NID1: variants seen among roughly 807,000 people sequenced by gnomAD.
NID1 encodes nidogen 1, also known as nidogen-1.
NID1 carries 76 observed loss-of-function variants against 130.6 expected under a neutral mutation model. The ratio of observed to expected loss-of-function variants is 0.58; its 90% CI spans 0.48 to 0.70. The LOEUF is 0.70. NID1 is among the 30% of genes least tolerant of loss of function. NID1 has a pLI of 0.00. For missense variants in NID1, 1,517 were observed against 1,664.8 expected, an observed-to-expected ratio of 0.91 and a Z score of 1.54; for synonymous variants, 665 against 675.1, an observed-to-expected ratio of 0.98 and a Z score of 0.23.
chr1:236,035,922 A>C (rs1659244890), intron 5 of NID1, among the ~76,000 whole-genome samples: 1 of 152,202 alleles, frequency 6.6e-6, no homozygotes, highest in African/African-American at 2.4e-5. Flanking sequence ...AAAATTTTCC[A>C]CCAAACTTTG....
At chr1:235,988,440 A>G (rs1197024445) in intron 14 of NID1, among the ~76,000 whole-genome samples, 1 of 152,244 alleles carries the variant, frequency 6.6e-6, no homozygotes, top group Non-Finnish European at 1.5e-5. Flanking sequence ...AGTAGGTAAA[A>G]TGGTACAACC....
intron 1 of NID1, among the ~76,000 whole-genome samples, chr1:236,059,116 CAGTA>C (rs1659974573): frequency 6.6e-6 from 1 of 152,136 alleles, no homozygotes; most frequent in Non-Finnish European, 1.5e-5. Flanking sequence ...GTCACACAGC[CAGTA>C]AGTGATAGAA....
chr1:235,982,201 T>C (rs1657457078), intron 15 of NID1, among the ~76,000 whole-genome samples: 1 of 152,094 alleles, frequency 6.6e-6, no homozygotes. Flanking sequence ...TAGCAGTTTG[T>C]CAAACAAGGA....
intron 12 of NID1, among the ~76,000 whole-genome samples, chr1:236,005,606 T>C (rs1285242256): frequency 6.6e-6 from 1 of 152,236 alleles, no homozygotes; most frequent in East Asian, 1.9e-4. Context: ...ACTTTAGTAT[T>C]ACCCCTTCCA....
chr1:236,003,157 G>A (rs1308797766), intron 12 of NID1, among the ~76,000 whole-genome samples: 5 of 151,638 alleles, frequency 3.3e-5, no homozygotes, highest in Non-Finnish European at 4.4e-5. Flanking sequence ...CCTAGTGAAC[G>A]ACTGGTAGTT....
chr1:236,045,972 T>C (rs898946323), intron 2 of NID1, among the ~76,000 whole-genome samples: 1 of 152,220 alleles, frequency 6.6e-6, no homozygotes, highest in Non-Finnish European at 1.5e-5. Flanking sequence ...TACCTCCAGA[T>C]GGTGGCCTAA....
intron 12 of NID1, among the ~76,000 whole-genome samples, chr1:236,004,068 A>T (rs1424896882): frequency 6.6e-6 from 1 of 151,504 alleles, no homozygotes; most frequent in Non-Finnish European, 1.5e-5. Flanking sequence ...AAAGAAAAAG[A>T]AATGAGGCCT....
rs1282579578 is a variant in NID1 at position 236,041,908 on chromosome 1, A to C, written c.1135+2T>G. On this transcript the variant is annotated splice_donor_variant, in intron 4 of 19. Coordinates refer to ENST00000264187, the MANE Select transcript of NID1 (RefSeq NM_002508.3). LOFTEE classifies it high-confidence loss of function. ...TACCAACTGCAACTTAAATGGTCTT[A>C]CCAACTCCTGTTTCCTCAACTTCAT... 6.2e-7 allele frequency: 1 copy of C among 1,602,974 alleles called. No individual in the cohort carries two copies. The highest frequency in any genetic ancestry group is 2.2e-5 in the East Asian group (1 of 44,650).
intron 4 of NID1, 144 bp from the exon 5 acceptor site, chr1:236,038,397 A>G: frequency 1.3e-6 from 1 of 750,796 alleles, no homozygotes; most frequent in South Asian, 3.1e-5. Flanking sequence ...ACAGAAGATT[A>G]CAATCCCCTA....
intron 14 of NID1, 80 bp downstream of exon 14, chr1:235,990,806 T>C: frequency 1.3e-6 from 2 of 1,518,432 alleles, no homozygotes; most frequent in Non-Finnish European, 1.8e-6. Context: ...AGCCTGGGGT[T>C]CTGGTCTGAT....
In NID1 at chr1:236,028,902, C is replaced by T. The variant is rs190003049; in HGVS notation, c.1738+648G>A. On this transcript the variant is annotated intron_variant, in intron 7 of 19. Coordinates refer to ENST00000264187, the MANE Select transcript of NID1 (RefSeq NM_002508.3). ...AATAGTACATACAGATGTGGCCGGGCGCAGTTGCTCACACCTGTAATCCCA... is the reference window on the plus strand; with the variant it reads ...AATAGTACATACAGATGTGGCCGGGTGCAGTTGCTCACACCTGTAATCCCA... 3.6e-4 allele frequency among the ~76,000 whole-genome samples: 55 copies of T among 152,178 alleles called. 1 individual carries two copies. Among genetic ancestry groups the T allele is most frequent in the South Asian group, 3.3e-3 (16 of 4,826 alleles).
At chr1:236,037,209 A>G (rs1314406574) in intron 5 of NID1, among the ~76,000 whole-genome samples, 2 of 152,204 alleles carry the variant, frequency 1.3e-5, no homozygotes, top group African/African-American at 4.8e-5. Context: ...AGCATTAACC[A>G]TGGTGCATCT....
chr1:236,048,978 A>C lies in NID1; in HGVS notation c.237T>G (p.Asn79Lys). The change falls in exon 2 of 20, where the codon AAT (asparagine) becomes AAG (lysine). Residue 79 changes from asparagine (N) to lysine (K), a missense_variant. By Grantham distance (94) the Asn-to-Lys change is moderately conservative. Around this residue, in one of 3 missense-constraint regions of NID1, gnomAD observed 1,329 missense variants for 1,429.2 expected, o/e 0.93. Coordinates refer to ENST00000264187, the MANE Select transcript of NID1 (RefSeq NM_002508.3). ...SDIDAVYVTT[N>K]GIIATSEPPA... is the part of the protein sequence containing the mutation. ...GGGGTTCACTCGTAGCAATGATGCC[A>C]TTTGTGGTGACCTGTACAAAACCAA... 1 of 1,613,838 alleles carries C rather than the reference A, an allele frequency of 6.2e-7. No individual in the cohort carries two copies. The highest frequency in any genetic ancestry group is 8.5e-7 in the Non-Finnish European group (1 of 1,179,934).
chr1:235,994,424 A>C (rs1657862232), intron 12 of NID1, among the ~76,000 whole-genome samples: 1 of 152,172 alleles, frequency 6.6e-6, no homozygotes, highest in Non-Finnish European at 1.5e-5. Context: ...AGCCTCCCAA[A>C]GTGCTGGGAT....
intron 1 of NID1, among the ~76,000 whole-genome samples, chr1:236,051,371 A>C (rs1659760673): frequency 6.6e-6 from 1 of 152,022 alleles, no homozygotes; most frequent in African/African-American, 2.4e-5. Context: ...AGAGGAACTA[A>C]AGACCAAACT....
At chr1:236,026,511 G>C (rs1294824601) in intron 7 of NID1, among the ~76,000 whole-genome samples, 1 of 152,118 alleles carries the variant, frequency 6.6e-6, no homozygotes, top group Non-Finnish European at 1.5e-5. Flanking sequence ...CTCACAAGCT[G>C]TGTGGCCACT....
intron 14 of NID1, among the ~76,000 whole-genome samples, chr1:235,986,089 C>T (rs1657567412): frequency 6.6e-6 from 1 of 152,172 alleles, no homozygotes; most frequent in South Asian, 2.1e-4. Flanking sequence ...GTAGTTTGCT[C>T]TTTCATTTTC....
chr1:236,025,884 G>A lies in NID1; in HGVS notation c.1984+12C>T. ...TGAGCACCTGTGCCCAGCATGAGCTGTATCCCCTTACCCCTCACAGGCCCA... is the reference window on the plus strand; with the variant it reads ...TGAGCACCTGTGCCCAGCATGAGCTATATCCCCTTACCCCTCACAGGCCCA... On this transcript the variant is annotated intron_variant, in intron 8 of 19. Coordinates refer to ENST00000264187, the MANE Select transcript of NID1 (RefSeq NM_002508.3). 3 of 1,613,350 alleles carry A rather than the reference G, an allele frequency of 1.9e-6. No homozygotes were observed. The highest frequency in any genetic ancestry group is 2.5e-6 in the Non-Finnish European group (3 of 1,179,372).
chr1:236,043,707 A>T (rs1659520016), intron 3 of NID1, among the ~76,000 whole-genome samples: 1 of 152,146 alleles, frequency 6.6e-6, no homozygotes, highest in Non-Finnish European at 1.5e-5. Flanking sequence ...CTGAAGCAGG[A>T]GAATGGCGTG....
Sources: gnomAD v4.1 joint callset for allele counts (sites outside exome capture counted in the v4.1 genomes callset) on GRCh38, gnomAD v4.1.1 for gene constraint, gnomAD v4.1.1 regional missense constraint, MANE v1.5 for transcripts, NCBI Gene and HGNC (gene_info 2026-07-23, HGNC 2026-07-21) for gene names.